Variants in PXT1 observed in about 807,000 individuals in gnomAD.
The protein encoded by PXT1 is peroxisomal testis-specific protein 1.
In PXT1, 11 loss-of-function variants were observed where a neutral mutation model predicts 11.0. The observed-to-expected ratio is 1.00, with a 90% CI of 0.63 to 1.66. PXT1 has a LOEUF of 1.66. Ranked by LOEUF, PXT1 falls within the 40% of genes most tolerant of loss-of-function variation. The pLI is 0.00. For missense variants in PXT1, 141 were observed against 155.5 expected, an observed-to-expected ratio of 0.91 and a Z score of 0.49; for synonymous variants, 43 against 51.4, an observed-to-expected ratio of 0.84 and a Z score of 0.70.
chr6:36,427,005 C>CT (rs1328645855), intron 2 of PXT1, among the ~76,000 whole-genome samples: 3 of 138,500 alleles, frequency 2.2e-5, no homozygotes, highest in Admixed American at 7.6e-5. Flanking sequence ...TGCATTAGGA[C>CT]TTTTTTTTTC....
chr6:36,412,438 G>A (rs910536816), intron 3 of PXT1, among the ~76,000 whole-genome samples: 1 of 151,148 alleles, frequency 6.6e-6, no homozygotes, highest in Non-Finnish European at 1.5e-5. Flanking sequence ...GAGGTGGGCG[G>A]ATCACGAGGT....
chr6:36,391,905 GTTT>G lies in PXT1; in HGVS notation c.301-34_301-32del, dbSNP rs199535119. ...TGAAAAAAGGGAGACACAGAGAAAG[GTTT>G]TTTTTTTTTTTTAAAAGTGATAGAA... On this transcript the variant is annotated intron_variant, in intron 4 of 4. Coordinates refer to ENST00000454782, the MANE Select transcript of PXT1 (RefSeq NM_152990.4). 368 of 1,060,966 alleles carry G rather than the reference GTTT, an allele frequency of 3.5e-4. No individual in the cohort carries two copies. In the Admixed American group the frequency reaches 4.9e-3, roughly 14 times the overall value. 65.7% of individuals were successfully genotyped at this position (1,060,966 alleles called of 1,614,324 possible). A position where few individuals can be genotyped will look rare whatever the true frequency, so the allele number is the denominator to read the frequency against.
At chr6:36,417,966 G>A (rs985173247) in intron 3 of PXT1, among the ~76,000 whole-genome samples, 6 of 151,984 alleles carry the variant, frequency 3.9e-5, no homozygotes, top group African/African-American at 1.4e-4. Context: ...GGAGGCTGAG[G>A]CGGGCGGATC....
intron 3 of PXT1, among the ~76,000 whole-genome samples, chr6:36,413,613 T>C (rs1774406974): frequency 2.0e-5 from 3 of 152,140 alleles, no homozygotes. Flanking sequence ...TATTATAATA[T>C]AGTGGGAGAA....
At chr6:36,408,376 C>A (rs1489238014) in intron 3 of PXT1, among the ~76,000 whole-genome samples, 4 of 151,498 alleles carry the variant, frequency 2.6e-5, no homozygotes, top group Non-Finnish European at 5.9e-5. Context: ...AATCCTCCCA[C>A]CTCAGCCTCC....
chr6:36,423,083 AAG>A (rs2127415792), intron 3 of PXT1, among the ~76,000 whole-genome samples: 1 of 152,244 alleles, frequency 6.6e-6, no homozygotes, highest in South Asian at 2.1e-4. Context: ...TTTTCCCCCG[AAG>A]AGTTATGTTT....
At chr6:36,410,416 C>T (rs796891358) in intron 3 of PXT1, among the ~76,000 whole-genome samples, 7 of 144,992 alleles carry the variant, frequency 4.8e-5, no homozygotes, top group African/African-American at 1.8e-4. Flanking sequence ...CGCCATTGCT[C>T]GCCAGCCAGG....
chr6:36,418,240 A>C (rs940308060), intron 3 of PXT1, among the ~76,000 whole-genome samples: 1 of 152,178 alleles, frequency 6.6e-6, no homozygotes, highest in East Asian at 1.9e-4. Context: ...ATGAGAATAC[A>C]CATAGGTTTG....
chr6:36,423,500 C>A (rs776765164), intron 3 of PXT1, among the ~76,000 whole-genome samples: 4 of 152,244 alleles, frequency 2.6e-5, no homozygotes, highest in Non-Finnish European at 5.9e-5. Flanking sequence ...CCGGCGGCGG[C>A]GCGCGCGTAG....
At chr6:36,425,889 T>C (rs952974091) in intron 3 of PXT1, 25 bp downstream of exon 3, 1 of 1,495,624 alleles carries the variant, frequency 6.7e-7, no homozygotes, top group African/African-American at 1.4e-5. Flanking sequence ...AAACTATTTA[T>C]CTTAGTTTAA....
intron 4 of PXT1, among the ~76,000 whole-genome samples, chr6:36,395,071 G>C (rs563929992): frequency 6.6e-6 from 1 of 152,016 alleles, no homozygotes; most frequent in Non-Finnish European, 1.5e-5. Flanking sequence ...TCAAACTCCT[G>C]GCCTCAGCCT....
Position 36,391,806 on chromosome 6 carries a change from C to T in PXT1, c.369G>A (p.Val123=). Residue 123 remains valine, a synonymous_variant, in exon 5 of 5, where the codon GTG becomes GTA. Transcript: ENST00000454782. ...FVFFFFRRVQ[V]LLHFFWNNHL... is the part of the protein sequence containing the mutation. ...GGTTGTTCCAGAAAAAATGCAGCAA[C>T]ACCTGAACTCTTCTAAAGAAAAAGA... 1 of 1,613,684 alleles carries T rather than the reference C, an allele frequency of 6.2e-7. No individual in the cohort carries two copies. Among genetic ancestry groups the T allele is most frequent in the Non-Finnish European group, 8.5e-7 (1 of 1,179,744 alleles).
intron 3 of PXT1, among the ~76,000 whole-genome samples, chr6:36,411,911 G>C (rs138825226): frequency 1.0e-3 from 154 of 152,290 alleles, no homozygotes; most frequent in Admixed American, 3.1e-3. Context: ...TCTTGCCACT[G>C]CTCTCCAGCC....
intron 3 of PXT1, among the ~76,000 whole-genome samples, chr6:36,411,056 A>G (rs982274858): frequency 7.9e-5 from 12 of 152,230 alleles, no homozygotes; most frequent in African/African-American, 2.9e-4. Context: ...TGTGTCTTAT[A>G]ATCTCATAAT....
chr6:36,423,926 A>G (rs1774563806), intron 3 of PXT1, among the ~76,000 whole-genome samples: 1 of 152,244 alleles, frequency 6.6e-6, no homozygotes, highest in Non-Finnish European at 1.5e-5. Flanking sequence ...CATGAAAACA[A>G]GCATGTACGT....
chr6:36,406,620 G>A (rs2127412163), intron 3 of PXT1, among the ~76,000 whole-genome samples: 2 of 152,138 alleles, frequency 1.3e-5, no homozygotes, highest in Middle Eastern at 6.8e-3. Flanking sequence ...AGACCAGCCT[G>A]GCCAACATGG....
chr6:36,419,148 A>G (rs529690264), intron 3 of PXT1, among the ~76,000 whole-genome samples: 95 of 152,352 alleles, frequency 6.2e-4, no homozygotes, highest in African/African-American at 2.0e-3. Context: ...GAGGACATCA[A>G]TGAGGGTTGA....
In PXT1 at chr6:36,442,719, T is replaced by C. The variant is rs375137270; in HGVS notation, c.-314A>G. ...GGGTTCCACATTTTCGGGTAAGCAT[T>C]AGCCGTCCTGGCGCTGCACGAGCGT... is the stretch of plus-strand genomic sequence containing the variant. On this transcript the variant is annotated 5_prime_UTR_variant, in exon 1 of 5. Transcript: ENST00000454782. The C allele has an allele frequency of 1.3e-5, 2 of 152,178 alleles. No homozygotes were observed. Among genetic ancestry groups the C allele is most frequent in the East Asian group, 3.9e-4 (2 of 5,194 alleles). 9.4% of individuals were successfully genotyped at this position (152,178 alleles called of 1,614,324 possible).
At chr6:36,409,939 A>AAGAAAGAGAG (rs375609864) in intron 3 of PXT1, among the ~76,000 whole-genome samples, 1 of 142,790 alleles carries the variant, frequency 7.0e-6, no homozygotes, top group African/African-American at 2.6e-5. Flanking sequence ...GGACGAAGGA[A>AAGAAAGAGAG]AGAAAGAAAG....
Sources: allele counts gnomAD v4.1 joint callset (sites outside exome capture counted in the v4.1 genomes callset), GRCh38; gene constraint gnomAD v4.1.1; transcripts MANE v1.5; gene names NCBI Gene and HGNC (gene_info 2026-07-23, HGNC 2026-07-21).